ALK: variants seen among roughly 807,000 people sequenced by gnomAD.
ALK encodes the protein ALK receptor tyrosine kinase, also known as ALK tyrosine kinase receptor.
In ALK, 74 loss-of-function variants were observed where a neutral mutation model predicts 163.1. The observed-to-expected ratio is 0.45, with a 90% CI of 0.38 to 0.55. The LOEUF (loss-of-function observed/expected upper bound fraction) is 0.55. Ranked by LOEUF, ALK falls within the 20% of genes least tolerant of loss-of-function variation. The pLI is 0.00. For missense variants in ALK, 2,063 were observed against 2,105.3 expected, an observed-to-expected ratio of 0.98 and a Z score of 0.39; for synonymous variants, 960 against 843.2, an observed-to-expected ratio of 1.14 and a Z score of -2.40.
chr2:29,234,787 T>C (rs1367239434), intron 13 of ALK, among the ~76,000 whole-genome samples: 1 of 152,176 alleles, frequency 6.6e-6, no homozygotes, highest in African/African-American at 2.4e-5. Flanking sequence ...GTTTTTGCCA[T>C]CTTACTCCGT....
At chr2:29,904,705 G>A (rs1667494636) in intron 1 of ALK, among the ~76,000 whole-genome samples, 1 of 152,188 alleles carries the variant, frequency 6.6e-6, no homozygotes, top group Non-Finnish European at 1.5e-5. Flanking sequence ...GCTTAAGAAT[G>A]TCTGGAGCTG....
chr2:29,329,569 C>A (rs1020630143), intron 5 of ALK, among the ~76,000 whole-genome samples: 17 of 152,226 alleles, frequency 1.1e-4, no homozygotes, highest in African/African-American at 3.9e-4. Flanking sequence ...GTGCTCAGGG[C>A]AGTGGGGGAA....
Position 29,227,913 on chromosome 2 carries a change from C to T in ALK, c.2816-241G>A, listed in dbSNP as rs956074400. Among the ~76,000 whole-genome samples the T allele has an allele frequency of 3.9e-5, 6 of 152,110 alleles. No homozygotes were observed. Among genetic ancestry groups the T allele is most frequent in the African/African-American group, 9.7e-5 (4 of 41,428 alleles). On this transcript the variant is annotated intron_variant, in intron 16 of 28. Transcript: ENST00000389048. The surrounding 1 kb of genome is among the most constrained non-coding windows in gnomAD (Gnocchi z 4.4). ...AGGTCCAGGCCAGCTCCCACTCTGC[C>T]GGTGGCCCACTAAGAAGTGGTTAAT...
intron 1 of ALK, among the ~76,000 whole-genome samples, chr2:29,772,051 G>A (rs1417053366): frequency 2.6e-5 from 4 of 152,186 alleles, no homozygotes; most frequent in Admixed American, 6.5e-5. Flanking sequence ...TTCCCGAGAT[G>A]AGGCAGATGG....
Position 29,301,578 on chromosome 2 carries a change from G to A in ALK, c.1648-4521C>T, listed in dbSNP as rs147581944. Among the ~76,000 whole-genome samples the A allele has an allele frequency of 7.6e-3, 1,157 of 152,252 alleles. 26 individuals are homozygous for A. The highest frequency in any genetic ancestry group is 0.026 in the African/African-American group (1,092 of 41,540). Reference sequence around the variant, plus strand: ...CCTTGGCACTTTCTTACATTCTATGGGTCAGGGACCAGGGAAGGGGAGAAG... The same window carrying A: ...CCTTGGCACTTTCTTACATTCTATGAGTCAGGGACCAGGGAAGGGGAGAAG... On this transcript the variant is annotated intron_variant, in intron 8 of 28. Transcript: ENST00000389048.
chr2:29,484,933 TA>T (rs1397901186), intron 4 of ALK, among the ~76,000 whole-genome samples: 2 of 152,204 alleles, frequency 1.3e-5, no homozygotes, highest in Admixed American at 6.5e-5. Flanking sequence ...GTAATCCCTT[TA>T]AAAAATATTC....
chr2:29,815,525 AAGG>A (rs1394235477), intron 1 of ALK, among the ~76,000 whole-genome samples: 1 of 152,162 alleles, frequency 6.6e-6, no homozygotes, highest in Non-Finnish European at 1.5e-5. Context: ...CTCTCTGAGG[AAGG>A]AGAAGTTCTT....
intron 3 of ALK, among the ~76,000 whole-genome samples, chr2:29,591,232 G>A (rs1329952924): frequency 6.6e-6 from 1 of 151,968 alleles, no homozygotes; most frequent in African/African-American, 2.4e-5. Context: ...CACCAGTTCT[G>A]TCTAAACCAA....
At chr2:29,474,939 T>C (rs962015449) in intron 4 of ALK, among the ~76,000 whole-genome samples, 2 of 152,218 alleles carry the variant, frequency 1.3e-5, no homozygotes, top group Admixed American at 6.5e-5. Context: ...CACCTGCTGC[T>C]GGTCAGGGCC....
At chr2:29,702,916 A>AT (rs1367919310) in intron 2 of ALK, among the ~76,000 whole-genome samples, 2 of 152,146 alleles carry the variant, frequency 1.3e-5, no homozygotes, top group Admixed American at 6.5e-5. Context: ...TCAAGATGTG[A>AT]TTTGTGTGGG....
At chr2:29,517,034 T>G (rs1008703774) in intron 4 of ALK, among the ~76,000 whole-genome samples, 2 of 149,428 alleles carry the variant, frequency 1.3e-5, no homozygotes, top group Non-Finnish European at 3.0e-5. Flanking sequence ...CAACAAAAAT[T>G]TATTGAATAC....
intron 1 of ALK, among the ~76,000 whole-genome samples, chr2:29,726,209 ACT>A (rs1256229897): frequency 1.3e-5 from 2 of 151,864 alleles, no homozygotes; most frequent in East Asian, 1.9e-4. Flanking sequence ...GGGCAACATG[ACT>A]CTCTGTTTGG....
At chr2:29,452,633 T>A (rs578178650) in intron 4 of ALK, among the ~76,000 whole-genome samples, 4 of 152,160 alleles carry the variant, frequency 2.6e-5, no homozygotes, top group African/African-American at 9.7e-5. Context: ...TATCTCCCCA[T>A]AAGATACTAA....
Position 29,778,154 on chromosome 2 carries a change from C to T in ALK, c.668-60457G>A, listed in dbSNP as rs185339755. On this transcript the variant is annotated intron_variant, in intron 1 of 28. Transcript: ENST00000389048. ...GGACAACAAGTCTAGGAGAAACCCC[C>T]TAAAATCATTTGCATTCACAGCACA... 1.1e-4 allele frequency among the ~76,000 whole-genome samples: 17 copies of T among 152,268 alleles called. No homozygotes were observed. In the East Asian group the frequency reaches 3.1e-3, roughly 28 times the overall value.
At chr2:29,828,251 G>A (rs1665256060) in intron 1 of ALK, among the ~76,000 whole-genome samples, 1 of 152,140 alleles carries the variant, frequency 6.6e-6, no homozygotes, top group Non-Finnish European at 1.5e-5. Flanking sequence ...CAGGACATAG[G>A]CATGGGCAAG....
chr2:29,199,929 T>C (rs1426830022), intron 26 of ALK, among the ~76,000 whole-genome samples: 1 of 152,218 alleles, frequency 6.6e-6, no homozygotes, highest in Non-Finnish European at 1.5e-5. Context: ...GGGGTGCTTT[T>C]ATTGTCATCA....
chr2:29,472,110 G>C (rs963536078), intron 4 of ALK, among the ~76,000 whole-genome samples: 1 of 152,182 alleles, frequency 6.6e-6, no homozygotes, highest in African/African-American at 2.4e-5. Flanking sequence ...GTCACCCTGG[G>C]AACCCACTCA....
At chr2:29,469,643 T>C (rs1363174879) in intron 4 of ALK, among the ~76,000 whole-genome samples, 2 of 152,204 alleles carry the variant, frequency 1.3e-5, no homozygotes, top group Non-Finnish European at 2.9e-5. Context: ...GTTTGACTTC[T>C]TCTTTCTTGA....
At chr2:29,874,554 C>T (rs111984595) in intron 1 of ALK, among the ~76,000 whole-genome samples, 13 of 152,300 alleles carry the variant, frequency 8.5e-5, no homozygotes, top group African/African-American at 2.2e-4. Context: ...TGAAATACTA[C>T]TGATGTTGTT....
Sources: gnomAD v4.1 joint callset for allele counts (sites outside exome capture counted in the v4.1 genomes callset) on GRCh38, gnomAD v4.1.1 for gene constraint, Gnocchi (gnomAD v3.1) non-coding constraint, MANE v1.5 for transcripts, NCBI Gene and HGNC (gene_info 2026-07-23, HGNC 2026-07-21) for gene names.